CDKL4: variants seen among roughly 807,000 people sequenced by gnomAD.
CDKL4 encodes the protein cyclin dependent kinase like 4.
A neutral mutation model predicts 42.0 loss-of-function variants in CDKL4; 44 were observed. The observed-to-expected ratio is 1.05, with a 90% confidence interval of 0.82 to 1.35. The LOEUF is 1.35. CDKL4 is among the 40% of genes most tolerant of loss of function. CDKL4 has a pLI of 0.00. For synonymous variants in CDKL4, 120 were observed against 121.6 expected, an observed-to-expected ratio of 0.99 and a Z score of 0.09; for missense variants, 393 against 369.9, an observed-to-expected ratio of 1.06 and a Z score of -0.51.
At chr2:39,177,508 G>C (rs1264242853) in intron 9 of CDKL4, among the ~76,000 whole-genome samples, 1 of 150,762 alleles carries the variant, frequency 6.6e-6, no homozygotes, top group Non-Finnish European at 1.5e-5. Flanking sequence ...GGGTTTAAGC[G>C]ATTCTCCTGC....
chr2:39,193,869 C>T (rs1031315308), intron 5 of CDKL4, among the ~76,000 whole-genome samples: 4 of 152,124 alleles, frequency 2.6e-5, no homozygotes, highest in South Asian at 2.1e-4. Flanking sequence ...TGAGCTGTAG[C>T]GTTTCTCATG....
At chr2:39,195,215 C>T (rs1572964178) in intron 5 of CDKL4, among the ~76,000 whole-genome samples, 1 of 152,156 alleles carries the variant, frequency 6.6e-6, no homozygotes, top group South Asian at 2.1e-4. Flanking sequence ...CCTTGATGGA[C>T]ATTTGGGTTG....
chr2:39,168,719 A>AC, the CDKL4 span, among the ~76,000 whole-genome samples: 1 of 151,314 alleles, frequency 6.6e-6, no homozygotes, highest in East Asian at 1.9e-4. Context: ...TAAAAAAAAA[A>AC]AAAGAGAGAG....
intron 7 of CDKL4, among the ~76,000 whole-genome samples, chr2:39,186,315 G>A (rs1370783919): frequency 6.6e-6 from 1 of 152,140 alleles, no homozygotes; most frequent in Admixed American, 6.6e-5. Flanking sequence ...GGACCATTTG[G>A]ACCTCAGGTT....
intron 8 of CDKL4, among the ~76,000 whole-genome samples, 187 bp downstream of exon 8, chr2:39,184,404 T>C (rs1360317697): frequency 2.0e-5 from 3 of 152,366 alleles, no homozygotes; most frequent in South Asian, 2.1e-4. Flanking sequence ...TTAATAGATA[T>C]GTTAGAACAA....
At chr2:39,193,674 C>T (rs1174352340) in intron 5 of CDKL4, among the ~76,000 whole-genome samples, 2 of 151,984 alleles carry the variant, frequency 1.3e-5, no homozygotes, top group Non-Finnish European at 2.9e-5. Context: ...TGTGCCTGGC[C>T]CGTTTATAAA....
intron 1 of CDKL4, 127 bp from the exon 2 acceptor site, chr2:39,229,715 A>G: frequency 4.4e-6 from 2 of 453,008 alleles, no homozygotes; most frequent in South Asian, 4.9e-5. Context: ...CCACTTAAAA[A>G]TATTTGGATA....
In CDKL4 at chr2:39,229,591, G is replaced by T; in HGVS notation, c.-56-3C>A. ...TGACTTGCAGTACAATGCTGCACCTGGAAAATAAGGTAGACTTGCCTTAAT... is the reference window on the plus strand; with the variant it reads ...TGACTTGCAGTACAATGCTGCACCTTGAAAATAAGGTAGACTTGCCTTAAT... On this transcript the variant is annotated splice_polypyrimidine_tract_variant and splice_region_variant and intron_variant, in intron 1 of 9. Transcript: ENST00000451199. The T allele has an allele frequency of 7.4e-7, 1 of 1,343,030 alleles. No homozygotes were observed. The highest frequency in any genetic ancestry group is 1.0e-6 in the Non-Finnish European group (1 of 976,574). 83.2% of individuals were successfully genotyped at this position (1,343,030 alleles called of 1,614,324 possible). A position where few individuals can be genotyped will look rare whatever the true frequency, so the allele number is the denominator to read the frequency against.
rs1675257783 is a variant in CDKL4, at chr2:39,178,445, T to C, written c.927+742A>G. The stretch of plus-strand genomic sequence containing the variant: ...GCAATGTTCGTCTACTTATTTATTT[T>C]AATAATATTAGGGACCTTCTCTGTG... On this transcript the variant is annotated intron_variant, in intron 9 of 9. Transcript: ENST00000451199. The C allele has an allele frequency of 3.4e-6, 3 of 874,912 alleles. No individual in the cohort carries two copies. The African/African-American group carries it at 5.1e-5, about 15-fold the overall frequency. 54.2% of individuals were successfully genotyped at this position (874,912 alleles called of 1,614,324 possible). A position where few individuals can be genotyped will look rare whatever the true frequency, so the allele number is the denominator to read the frequency against.
At chr2:39,216,989 G>C (rs146243390) in intron 3 of CDKL4, among the ~76,000 whole-genome samples, 1 of 152,118 alleles carries the variant, frequency 6.6e-6, no homozygotes, top group South Asian at 2.1e-4. Context: ...ACCACTGATC[G>C]TGCAAAGAGA....
At chr2:39,169,383 T>C in the CDKL4 span, among the ~76,000 whole-genome samples, 3 of 152,184 alleles carry the variant, frequency 2.0e-5, no homozygotes, top group African/African-American at 4.8e-5. Context: ...TAGTAGGGTG[T>C]AGTCGTGTGT....
intron 7 of CDKL4, among the ~76,000 whole-genome samples, chr2:39,186,552 C>G (rs1160272343): frequency 1.3e-5 from 2 of 152,084 alleles, no homozygotes; most frequent in African/African-American, 4.8e-5. Flanking sequence ...GAGAGAGAGT[C>G]AAATAGTCAT....
intron 8 of CDKL4, among the ~76,000 whole-genome samples, chr2:39,181,976 C>T (rs1398481814): frequency 1.3e-5 from 2 of 151,942 alleles, no homozygotes; most frequent in East Asian, 1.9e-4. Flanking sequence ...AATTTATTCA[C>T]GTTGATTTTA....
chr2:39,210,946 C>T (rs945593235), intron 4 of CDKL4, among the ~76,000 whole-genome samples: 8 of 152,188 alleles, frequency 5.3e-5, no homozygotes, highest in African/African-American at 7.2e-5. Flanking sequence ...GCTTCCCCTC[C>T]GTATTGAAAT....
intron 9 of CDKL4, among the ~76,000 whole-genome samples, chr2:39,177,937 C>T (rs1379601754): frequency 3.3e-5 from 5 of 152,246 alleles, no homozygotes; most frequent in Non-Finnish European, 5.9e-5. Flanking sequence ...GATCTGCCCA[C>T]CTTGGCCTCC....
chr2:39,168,741 G>GT, the CDKL4 span, among the ~76,000 whole-genome samples: 3,606 of 143,340 alleles, frequency 0.025, 115 homozygotes, highest in African/African-American at 0.078. Flanking sequence ...CTGAGTCCTT[G>GT]TTTTTTTTTT....
intron 4 of CDKL4, among the ~76,000 whole-genome samples, chr2:39,211,561 C>A (rs543541041): frequency 6.6e-6 from 1 of 152,032 alleles, no homozygotes; most frequent in Non-Finnish European, 1.5e-5. Flanking sequence ...CAAAACTTGT[C>A]ATTGTTGCTA....
intron 4 of CDKL4, among the ~76,000 whole-genome samples, chr2:39,208,065 G>A (rs1677317063): frequency 6.6e-6 from 1 of 151,852 alleles, no homozygotes; most frequent in African/African-American, 2.4e-5. Context: ...TTGCGCCACT[G>A]GACCCCAGCC....
downstream of CDKL4, among the ~76,000 whole-genome samples, chr2:39,174,434 T>G (rs916184007): frequency 1.3e-5 from 2 of 151,176 alleles, no homozygotes; most frequent in South Asian, 2.1e-4. Flanking sequence ...AACAAAAAAC[T>G]ATTGCTTAGA....
Sources: allele counts gnomAD v4.1 joint callset (sites outside exome capture counted in the v4.1 genomes callset), GRCh38; gene constraint gnomAD v4.1.1; transcripts MANE v1.5; gene names NCBI Gene and HGNC (gene_info 2026-07-23, HGNC 2026-07-21).